Variants in KIRREL3 observed in about 807,000 individuals in gnomAD.
The protein encoded by KIRREL3 is kin of IRRE-like protein 3.
Under a neutral mutation model 89.7 loss-of-function variants are expected in KIRREL3, and 36 were observed. The observed-to-expected ratio is 0.40, with a 90% CI of 0.31 to 0.53. The LOEUF is 0.53. Among genes scored for constraint, KIRREL3 ranks in the 20% least tolerant of loss-of-function variants. The pLI is 0.49. For synonymous variants in KIRREL3, 445 were observed against 441.4 expected (o/e 1.01, Z -0.10); for missense variants, 864 against 1,056.6 (o/e 0.82, Z 2.53).
At position 126,991,402 on chromosome 11, in the gene KIRREL3, G is replaced by C. The variant is rs1193929704; in HGVS notation, c.55+9053C>G. ...CCCAATAGTGTGCTAGACACCAGGG[G>C]TGATAAAAGACTTGGATTTTAATCA... On this transcript the variant is annotated intron_variant, in intron 1 of 16. Coordinates refer to ENST00000525144, the MANE Select transcript of KIRREL3 (RefSeq NM_032531.4). This position sits in a 1 kb window ranked among gnomAD's most constrained non-coding sequence, Gnocchi z 5.8. 6.6e-6 allele frequency among the ~76,000 whole-genome samples: 1 copy of C among 152,076 alleles called. No homozygotes were observed. The highest frequency in any genetic ancestry group is 1.9e-4 in the East Asian group (1 of 5,192).
At position 126,560,981 on chromosome 11, in the gene KIRREL3, T is replaced by C. The variant is rs1387019892; in HGVS notation, c.133+1854A>G. Among the ~76,000 whole-genome samples, 4 of 152,262 alleles carry C rather than the reference T, an allele frequency of 2.6e-5. No individual in the cohort carries two copies. The East Asian group carries it at 7.7e-4, about 29-fold the overall frequency. On this transcript the variant is annotated intron_variant, in intron 2 of 16. Transcript: ENST00000525144. The stretch of plus-strand genomic sequence containing the variant: ...GTGGAAATTATAATTATTTTGAGTA[T>C]TGGTATGAGATAATTATAAATATAA...
At chr11:126,840,980 A>C (rs1474016119) in intron 1 of KIRREL3, among the ~76,000 whole-genome samples, 5 of 152,252 alleles carry the variant, frequency 3.3e-5, no homozygotes, top group Non-Finnish European at 5.9e-5. Flanking sequence ...ATCTATAGTA[A>C]GAATGAATCT....
At chr11:126,613,894 A>G (rs146152685) in intron 1 of KIRREL3, among the ~76,000 whole-genome samples, 81 of 84,978 alleles carry the variant, frequency 9.5e-4, no homozygotes, top group African/African-American at 2.9e-3. Flanking sequence ...TTTTTTTTTT[A>G]TTTTTTTCCC....
intron 1 of KIRREL3, among the ~76,000 whole-genome samples, chr11:126,868,750 A>G (rs1267708895): frequency 6.6e-6 from 1 of 152,100 alleles, no homozygotes; most frequent in Non-Finnish European, 1.5e-5. Context: ...TGGGGCTGCT[A>G]TAACCGAATA....
chr11:126,727,200 TC>T (rs1231386307), intron 1 of KIRREL3, among the ~76,000 whole-genome samples: 3 of 152,210 alleles, frequency 2.0e-5, no homozygotes, highest in African/African-American at 7.2e-5. Flanking sequence ...TGGGTGTGGC[TC>T]CAGAAGAGGC....
chr11:126,593,019 A>G (rs1942222780), intron 1 of KIRREL3, among the ~76,000 whole-genome samples: 1 of 152,162 alleles, frequency 6.6e-6, no homozygotes, highest in South Asian at 2.1e-4. Flanking sequence ...AGGCTTGCAC[A>G]AAGGGCTTCT....
At position 126,467,629 on chromosome 11, in the gene KIRREL3, CTT is replaced by C. The variant is rs546070258; in HGVS notation, c.592-4324_592-4323del. On this transcript the variant is annotated intron_variant, in intron 5 of 16. Transcript: ENST00000525144. Reference sequence around the variant, plus strand: ...CTCACCTTCCCCACCTGCTGGGTCCCTTTTTTTTTTTTTTTAAAAAATCATGG... The same window carrying C: ...CTCACCTTCCCCACCTGCTGGGTCCCTTTTTTTTTTTTTAAAAAATCATGG... 4.2e-3 allele frequency among the ~76,000 whole-genome samples: 595 copies of C among 140,944 alleles called. 10 individuals carry two copies. Among genetic ancestry groups the C allele is most frequent in the African/African-American group, 0.016 (546 of 35,088 alleles). The allele number at this position is 140,944 out of a possible 152,430, so 92.5% of individuals were successfully genotyped here.
Position 126,917,672 on chromosome 11 carries a change from T to G in KIRREL3, c.55+82783A>C, listed in dbSNP as rs902417186. Among the ~76,000 whole-genome samples, 1 of 152,144 alleles carries G rather than the reference T, an allele frequency of 6.6e-6. No individual in the cohort carries two copies. Among genetic ancestry groups the G allele is most frequent in the Non-Finnish European group, 1.5e-5 (1 of 68,024 alleles). ...GCTTCCACTCATACTAGAAACCATA[T>G]ATGTATACCACATACTAGAAACCAT... On this transcript the variant is annotated intron_variant, in intron 1 of 16. Coordinates refer to ENST00000525144, the MANE Select transcript of KIRREL3 (RefSeq NM_032531.4). This position sits in a 1 kb window ranked among gnomAD's most constrained non-coding sequence, Gnocchi z 5.0.
chr11:126,543,856 G>T (rs2134502855), intron 2 of KIRREL3: 1 of 152,458 alleles, frequency 6.6e-6, no homozygotes, highest in Non-Finnish European at 1.5e-5. Flanking sequence ...CTCGGCCTTG[G>T]GCTGGGTGAA....
chr11:126,745,160 T>A (rs1362632728), intron 1 of KIRREL3, among the ~76,000 whole-genome samples: 1 of 152,108 alleles, frequency 6.6e-6, no homozygotes, highest in Non-Finnish European at 1.5e-5. Flanking sequence ...CGGCCACACA[T>A]ACTGGTTTCT....
In KIRREL3 at chr11:126,492,627, A is replaced by C. The variant is rs926681693; in HGVS notation, c.434-19161T>G. Among the ~76,000 whole-genome samples the C allele has an allele frequency of 6.6e-5, 10 of 152,204 alleles. No individual in the cohort carries two copies. The highest frequency in any genetic ancestry group is 3.2e-3 in the Middle Eastern group (1 of 316). On this transcript the variant is annotated intron_variant, in intron 4 of 16. Coordinates refer to ENST00000525144, the MANE Select transcript of KIRREL3 (RefSeq NM_032531.4). This position sits in a 1 kb window ranked among gnomAD's most constrained non-coding sequence, Gnocchi z 4.8. ...CAGCTGTTGGAGGGGAACAGCCACCAGGCCATTTTTATGACTTCCTATCAA... is the reference window on the plus strand; with the variant it reads ...CAGCTGTTGGAGGGGAACAGCCACCCGGCCATTTTTATGACTTCCTATCAA...
intron 1 of KIRREL3, among the ~76,000 whole-genome samples, chr11:126,907,227 G>A (rs180866747): frequency 1.9e-4 from 29 of 152,290 alleles, no homozygotes; most frequent in Non-Finnish European, 1.6e-4. Flanking sequence ...GAGTGAACCC[G>A]AGCTCCAGGT....
chr11:126,819,260 G>A (rs550307705), intron 1 of KIRREL3, among the ~76,000 whole-genome samples: 110 of 152,292 alleles, frequency 7.2e-4, no homozygotes, highest in Non-Finnish European at 1.2e-3. Context: ...AGGAGGTACC[G>A]TTCTGTCCCC....
At chr11:126,928,734 AT>A (rs1247266858) in intron 1 of KIRREL3, among the ~76,000 whole-genome samples, 4 of 152,008 alleles carry the variant, frequency 2.6e-5, no homozygotes, top group African/African-American at 4.8e-5. Flanking sequence ...GTAGAGTTTT[AT>A]TTTTTTTCTT....
chr11:126,545,312 G>A (rs1363837147), intron 2 of KIRREL3, among the ~76,000 whole-genome samples: 1 of 152,166 alleles, frequency 6.6e-6, no homozygotes. Flanking sequence ...CTGGCACCAA[G>A]GGGAGCCGTC....
intron 2 of KIRREL3, among the ~76,000 whole-genome samples, chr11:126,539,899 T>G (rs569544524): frequency 2.6e-4 from 40 of 152,310 alleles, no homozygotes; most frequent in Non-Finnish European, 4.1e-4. Context: ...ATATGGAAAG[T>G]TATAGATGTT....
At chr11:126,663,106 G>T (rs1204594031) in intron 1 of KIRREL3, among the ~76,000 whole-genome samples, 2 of 151,436 alleles carry the variant, frequency 1.3e-5, no homozygotes, top group Non-Finnish European at 2.9e-5. Context: ...TCCACACGTG[G>T]GACTGATGAG....
rs1303182487 is a variant in KIRREL3, at chr11:126,428,777, G to A, written c.1806+402C>T. On this transcript the variant is annotated intron_variant, in intron 15 of 16. Transcript: ENST00000525144. The surrounding 1 kb of genome is among the most constrained non-coding windows in gnomAD (Gnocchi z 6.4). ...TTCTCCTGCCTCAGCTTCCCAAGTA[G>A]CTGGGATTACAGGCGCCCGCCACCA... 6.6e-6 allele frequency among the ~76,000 whole-genome samples: 1 copy of A among 152,124 alleles called. No individual in the cohort carries two copies. The highest frequency in any genetic ancestry group is 1.9e-4 in the East Asian group (1 of 5,186).
intron 1 of KIRREL3, among the ~76,000 whole-genome samples, chr11:126,672,870 G>A (rs776778589): frequency 1.1e-4 from 17 of 152,158 alleles, no homozygotes; most frequent in African/African-American, 2.2e-4. Flanking sequence ...TCCCTCACTC[G>A]TATTTGCATT....
Sources: gnomAD v4.1 joint callset for allele counts (sites outside exome capture counted in the v4.1 genomes callset) on GRCh38, gnomAD v4.1.1 for gene constraint, Gnocchi (gnomAD v3.1) non-coding constraint, MANE v1.5 for transcripts, NCBI Gene and HGNC (gene_info 2026-07-23, HGNC 2026-07-21) for gene names.